The following LRRC4C variants were observed in gnomAD, a reference collection of about 807,000 sequenced individuals.
LRRC4C encodes leucine rich repeat containing 4C.
Under a neutral mutation model 33.6 loss-of-function variants are expected in LRRC4C, and 5 were observed. That is an observed-to-expected ratio of 0.15 (90% CI 0.08 to 0.31). The LOEUF (loss-of-function observed/expected upper bound fraction) is 0.31. Among genes scored for constraint, LRRC4C ranks in the 10% least tolerant of loss-of-function variants. The pLI, the probability that LRRC4C is intolerant of heterozygous loss-of-function variation, is 1.00. For missense variants in LRRC4C, 560 were observed against 796.7 expected (o/e 0.70, Z 3.58); for synonymous variants, 329 against 302.0 (o/e 1.09, Z -0.93).
rs118109868 is a variant in LRRC4C, at chr11:40,146,439, C to T, written c.-95-5586G>A. ...TACCTTCTATGAGACAAGTTATACC[C>T]GCTGAGGGGATGCCTCAACAGACCC... On this transcript the variant is annotated intron_variant, in intron 5 of 6. Transcript: ENST00000528697. Among the ~76,000 whole-genome samples the T allele has an allele frequency of 2.6e-3, 390 of 152,220 alleles. 4 individuals are homozygous for T. The highest frequency in any genetic ancestry group is 4.0e-3 in the Non-Finnish European group (270 of 68,002).
At chr11:40,464,842 T>C (rs1306711479) in intron 3 of LRRC4C, among the ~76,000 whole-genome samples, 2 of 152,008 alleles carry the variant, frequency 1.3e-5, no homozygotes, top group Non-Finnish European at 2.9e-5. Context: ...AAACAGTTCA[T>C]GCACATGGAT....
chr11:40,154,298 A>C (rs986631478), intron 5 of LRRC4C, among the ~76,000 whole-genome samples: 10 of 151,286 alleles, frequency 6.6e-5, no homozygotes, highest in African/African-American at 9.8e-5. Context: ...AAAAAAAAAA[A>C]AAAAACAAAA....
intron 2 of LRRC4C, among the ~76,000 whole-genome samples, chr11:40,724,538 A>T (rs1418911754): frequency 7.1e-6 from 1 of 140,498 alleles, no homozygotes; most frequent in East Asian, 1.9e-4. Flanking sequence ...AAGCAGAAAT[A>T]AAAAAAATTA....
At chr11:40,982,869 T>C (rs967122698) in intron 1 of LRRC4C, among the ~76,000 whole-genome samples, 1 of 152,158 alleles carries the variant, frequency 6.6e-6, no homozygotes, top group Non-Finnish European at 1.5e-5. Context: ...TTCCCCTCTA[T>C]ATGTCTATGT....
intron 4 of LRRC4C, among the ~76,000 whole-genome samples, chr11:40,286,655 A>C (rs1943860900): frequency 6.6e-6 from 1 of 152,316 alleles, no homozygotes; most frequent in South Asian, 2.1e-4. Flanking sequence ...AAGAAAAGAA[A>C]GTGGGCTAGC....
intron 5 of LRRC4C, among the ~76,000 whole-genome samples, chr11:40,156,950 T>C (rs1032385051): frequency 6.6e-6 from 1 of 152,142 alleles, no homozygotes; most frequent in African/African-American, 2.4e-5. Flanking sequence ...AGAGCCCGTA[T>C]AGCCAAAGCA....
At chr11:40,581,026 T>C (rs1363485378) in intron 3 of LRRC4C, among the ~76,000 whole-genome samples, 1 of 152,262 alleles carries the variant, frequency 6.6e-6, no homozygotes, top group Non-Finnish European at 1.5e-5. Context: ...ATTGGTATTT[T>C]TCTAAACTGT....
At chr11:41,049,129 C>T (rs1858016578) in intron 1 of LRRC4C, among the ~76,000 whole-genome samples, 1 of 152,108 alleles carries the variant, frequency 6.6e-6, no homozygotes, top group Non-Finnish European at 1.5e-5. Context: ...GTTGTAGCTC[C>T]CATAATTCCC....
intron 3 of LRRC4C, among the ~76,000 whole-genome samples, chr11:40,627,636 G>T (rs7121158): frequency 3.3e-4 from 50 of 152,284 alleles, no homozygotes; most frequent in African/African-American, 1.2e-3. Context: ...AGAAGAGTTT[G>T]CACCTTTAAT....
intron 3 of LRRC4C, among the ~76,000 whole-genome samples, chr11:40,578,527 A>G (rs977633041): frequency 6.6e-6 from 1 of 152,076 alleles, no homozygotes; most frequent in African/African-American, 2.4e-5. Flanking sequence ...AAGCATTCCT[A>G]CACATATACC....
rs567594162 is a variant in LRRC4C, at chr11:41,235,304, T to G, written c.-496+224127A>C. ...CCATTTGAGATTCCATTGACTTACCTACTCTCACTTCTATACTCATTTTGG... is the reference window on the plus strand; with the variant it reads ...CCATTTGAGATTCCATTGACTTACCGACTCTCACTTCTATACTCATTTTGG... On this transcript the variant is annotated intron_variant, in intron 1 of 6. Transcript: ENST00000528697. 2.8e-5 allele frequency among the ~76,000 whole-genome samples: 4 copies of G among 141,274 alleles called. No individual in the cohort carries two copies. In the East Asian group the frequency reaches 7.7e-4, roughly 27 times the overall value. 92.7% of individuals were successfully genotyped at this position (141,274 alleles called of 152,430 possible). A position where few individuals can be genotyped will look rare whatever the true frequency, so the allele number is the denominator to read the frequency against.
At chr11:41,330,647 C>T (rs1951265759) in intron 1 of LRRC4C, among the ~76,000 whole-genome samples, 1 of 152,144 alleles carries the variant, frequency 6.6e-6, no homozygotes, top group Non-Finnish European at 1.5e-5. Context: ...ATCTTGCTCA[C>T]TGCAGCCTCG....
At chr11:40,847,131 C>CG (rs891135940) in intron 2 of LRRC4C, among the ~76,000 whole-genome samples, 37 of 1,452 alleles carry the variant, frequency 0.025, no homozygotes, top group Middle Eastern at 0.1. Flanking sequence ...TATTTGAATA[C>CG]CTTTCTTTCT....
At chr11:40,327,900 G>A (rs553839553) in intron 3 of LRRC4C, among the ~76,000 whole-genome samples, 13 of 151,828 alleles carry the variant, frequency 8.6e-5, no homozygotes, top group Non-Finnish European at 1.3e-4. Context: ...AGAAAATCAA[G>A]AAAAAAATTT....
chr11:40,306,732 T>G (rs999120673), intron 4 of LRRC4C, among the ~76,000 whole-genome samples: 4 of 152,194 alleles, frequency 2.6e-5, no homozygotes, highest in African/African-American at 4.8e-5. Flanking sequence ...TCACTGTAGC[T>G]CCAATGATTG....
chr11:40,314,014 A>G (rs2136783033), intron 4 of LRRC4C, among the ~76,000 whole-genome samples: 1 of 152,196 alleles, frequency 6.6e-6, no homozygotes, highest in East Asian at 1.9e-4. Flanking sequence ...GGGATCACAT[A>G]AAACTAAAAG....
intron 2 of LRRC4C, among the ~76,000 whole-genome samples, chr11:40,755,266 T>C (rs1341645785): frequency 1.3e-5 from 2 of 152,130 alleles, no homozygotes; most frequent in Non-Finnish European, 2.9e-5. Context: ...CCAGGCAATA[T>C]GATGAGCTCT....
intron 1 of LRRC4C, among the ~76,000 whole-genome samples, chr11:41,069,310 A>T (rs1199215975): frequency 6.6e-6 from 1 of 152,230 alleles, no homozygotes; most frequent in East Asian, 1.9e-4. Context: ...CATAGCCATT[A>T]TCATGTGGAA....
At chr11:41,146,224 G>A (rs1304864159) in intron 1 of LRRC4C, among the ~76,000 whole-genome samples, 4 of 152,104 alleles carry the variant, frequency 2.6e-5, no homozygotes, top group Non-Finnish European at 5.9e-5. Flanking sequence ...GTTAGTCCTA[G>A]CCTGGGTCAT....
Sources: gnomAD v4.1 joint callset for allele counts (sites outside exome capture counted in the v4.1 genomes callset) on GRCh38, gnomAD v4.1.1 for gene constraint, MANE v1.5 for transcripts, NCBI Gene and HGNC (gene_info 2026-07-23, HGNC 2026-07-21) for gene names.